Variants in SAMD12 observed in about 807,000 individuals in gnomAD.
The protein encoded by SAMD12 is sterile alpha motif domain-containing protein 12.
Under a neutral mutation model 15.0 loss-of-function variants are expected in SAMD12, and 9 were observed. The observed-to-expected ratio is 0.60, with a 90% CI of 0.36 to 1.05. The LOEUF (loss-of-function observed/expected upper bound fraction) is 1.05. SAMD12 is among the 50% of genes least tolerant of loss of function. The pLI is 0.01. For missense variants in SAMD12, 230 were observed against 234.2 expected (o/e 0.98, Z 0.12); for synonymous variants, 86 against 90.1 (o/e 0.96, Z 0.25).
intron 4 of SAMD12, among the ~76,000 whole-genome samples, chr8:118,216,748 G>A (rs1371454995): frequency 6.6e-6 from 1 of 152,178 alleles, no homozygotes; most frequent in Non-Finnish European, 1.5e-5. Context: ...CATAATGATA[G>A]ATTTTGGAAA....
At chr8:118,245,981 T>A (rs916607513) in intron 4 of SAMD12, among the ~76,000 whole-genome samples, 2 of 152,174 alleles carry the variant, frequency 1.3e-5, no homozygotes, top group Non-Finnish European at 2.9e-5. Flanking sequence ...GTGGTAGCAC[T>A]TCAGAGCTAA....
At chr8:118,419,629 T>C (rs1414176896) in intron 3 of SAMD12, among the ~76,000 whole-genome samples, 3 of 152,220 alleles carry the variant, frequency 2.0e-5, no homozygotes, top group Admixed American at 6.5e-5. Context: ...GGCTATTCTT[T>C]TACTTGAACT....
intron 4 of SAMD12, among the ~76,000 whole-genome samples, chr8:118,198,092 A>T (rs1586333364): frequency 6.6e-6 from 1 of 152,316 alleles, no homozygotes; most frequent in East Asian, 1.9e-4. Context: ...GTCTGGTGCA[A>T]GGTAAGATTG....
intron 4 of SAMD12, among the ~76,000 whole-genome samples, chr8:118,235,727 G>A (rs1013256014): frequency 5.3e-5 from 8 of 152,134 alleles, no homozygotes; most frequent in Non-Finnish European, 8.8e-5. Context: ...AAGAAACAAG[G>A]ACCACCATGA....
intron 4 of SAMD12, among the ~76,000 whole-genome samples, chr8:118,259,801 C>A (rs187317286): frequency 6.6e-6 from 1 of 152,156 alleles, no homozygotes; most frequent in Admixed American, 6.5e-5. Flanking sequence ...CCACTTTGTA[C>A]CTGTTTCACA....
At chr8:118,314,387 TAATC>T (rs1815775453) in intron 4 of SAMD12, among the ~76,000 whole-genome samples, 1 of 152,108 alleles carries the variant, frequency 6.6e-6, no homozygotes, top group African/African-American at 2.4e-5. Flanking sequence ...CACATTTATA[TAATC>T]AATCAATTTT....
intron 4 of SAMD12, among the ~76,000 whole-genome samples, chr8:118,359,078 G>C (rs2130629911): frequency 6.6e-6 from 1 of 151,852 alleles, no homozygotes; most frequent in Non-Finnish European, 1.5e-5. Flanking sequence ...TCTGTTATGG[G>C]CTGAATTATT....
At chr8:118,350,300 T>C (rs1817894723) in intron 4 of SAMD12, among the ~76,000 whole-genome samples, 1 of 152,200 alleles carries the variant, frequency 6.6e-6, no homozygotes, top group South Asian at 2.1e-4. Context: ...GCTGCTTCAA[T>C]CACAGCATTT....
chr8:118,460,904 A>C (rs957762540), intron 2 of SAMD12, among the ~76,000 whole-genome samples: 9 of 152,114 alleles, frequency 5.9e-5, no homozygotes, highest in African/African-American at 2.2e-4. Context: ...GCACCAACTT[A>C]CCTTCTCAGC....
chr8:118,211,710 T>G (rs1811830988), intron 4 of SAMD12, among the ~76,000 whole-genome samples: 1 of 152,200 alleles, frequency 6.6e-6, no homozygotes, highest in Non-Finnish European at 1.5e-5. Context: ...TTTCTATTCT[T>G]CTGAACAGGA....
chr8:118,465,093 GAAGAGTTTCTTAA>G (rs892819687), intron 2 of SAMD12, among the ~76,000 whole-genome samples: 58 of 152,084 alleles, frequency 3.8e-4, no homozygotes, highest in Non-Finnish European at 7.6e-4. Context: ...AGGATAATCT[GAAGAGTTTCTTAA>G]AAGGAGCAAA....
intron 2 of SAMD12, among the ~76,000 whole-genome samples, chr8:118,445,153 G>A (rs999626966): frequency 6.6e-6 from 1 of 152,094 alleles, no homozygotes; most frequent in Non-Finnish European, 1.5e-5. Flanking sequence ...GAGAGAGAAA[G>A]AAGGAAAAGG....
At chr8:118,571,422 T>G (rs1236062672) in intron 2 of SAMD12, among the ~76,000 whole-genome samples, 1 of 151,500 alleles carries the variant, frequency 6.6e-6, no homozygotes, top group African/African-American at 2.4e-5. Context: ...CTGCAGAAAT[T>G]TGCAGAAATT....
intron 4 of SAMD12, among the ~76,000 whole-genome samples, chr8:118,356,367 C>A (rs1010946771): frequency 9.2e-5 from 14 of 152,144 alleles, no homozygotes; most frequent in African/African-American, 3.4e-4. Flanking sequence ...CACCACCTGG[C>A]CCTGCAATGC....
chr8:118,432,786 T>C (rs1212852722), intron 3 of SAMD12, among the ~76,000 whole-genome samples: 1 of 152,040 alleles, frequency 6.6e-6, no homozygotes, highest in African/African-American at 2.4e-5. Context: ...TTGAAAGTAG[T>C]TCAGTGGGCC....
chr8:118,469,751 C>T (rs919937416), intron 2 of SAMD12, among the ~76,000 whole-genome samples: 13 of 149,092 alleles, frequency 8.7e-5, no homozygotes, highest in Admixed American at 8.2e-4. Flanking sequence ...TTAGTAGAGA[C>T]AGGGCTTCGC....
intron 4 of SAMD12, among the ~76,000 whole-genome samples, chr8:118,292,270 A>C (rs1371905837): frequency 6.6e-6 from 1 of 151,062 alleles, no homozygotes; most frequent in Non-Finnish European, 1.5e-5. Context: ...ACCAAACACC[A>C]CCTGTACCCC....
intron 4 of SAMD12, among the ~76,000 whole-genome samples, chr8:118,309,710 T>A (rs1396313134): frequency 1.3e-5 from 2 of 152,170 alleles, no homozygotes; most frequent in Admixed American, 1.3e-4. Flanking sequence ...TACAGAGTTA[T>A]CTTTGCTTAG....
the SAMD12 span, among the ~76,000 whole-genome samples, chr8:118,180,669 C>T: frequency 6.6e-6 from 1 of 152,056 alleles, no homozygotes; most frequent in South Asian, 2.1e-4. Flanking sequence ...GCCTCCCAGG[C>T]TCAAGCAATC....
Sources: allele counts gnomAD v4.1 joint callset (sites outside exome capture counted in the v4.1 genomes callset), GRCh38; gene constraint gnomAD v4.1.1; transcripts MANE v1.5; gene names NCBI Gene and HGNC (gene_info 2026-07-23, HGNC 2026-07-21).